The following EDAR variants were observed in gnomAD, a reference collection of about 807,000 sequenced individuals.
EDAR encodes the protein ectodysplasin A receptor.
A neutral mutation model predicts 51.3 loss-of-function variants in EDAR; 38 were observed. The observed-to-expected ratio is 0.74, with a 90% CI of 0.57 to 0.97. EDAR has a LOEUF of 0.97. Ranked by LOEUF, EDAR falls within the 50% of genes least tolerant of loss-of-function variation. The pLI, the probability that EDAR is intolerant of heterozygous loss-of-function variation, is 0.00. For synonymous variants in EDAR, 227 were observed against 242.1 expected (o/e 0.94, Z 0.58); for missense variants, 528 against 595.0 (o/e 0.89, Z 1.17).
intron 10 of EDAR, among the ~76,000 whole-genome samples, 181 bp from the exon 11 acceptor site, chr2:108,906,549 T>C (rs1443072315): frequency 1.3e-5 from 2 of 152,216 alleles, no homozygotes; most frequent in African/African-American, 2.4e-5. Flanking sequence ...CAGGTTTTCC[T>C]ATTCAAACAT....
intron 1 of EDAR, among the ~76,000 whole-genome samples, chr2:108,936,516 G>A (rs1305608235): frequency 6.6e-6 from 1 of 152,064 alleles, no homozygotes; most frequent in Non-Finnish European, 1.5e-5. Context: ...CTCCTTCCCC[G>A]GCCTCCCACG....
chr2:108,942,936 G>A (rs1697635810), intron 1 of EDAR, among the ~76,000 whole-genome samples: 1 of 152,218 alleles, frequency 6.6e-6, no homozygotes, highest in Non-Finnish European at 1.5e-5. Context: ...TCCTAATCCT[G>A]GGATTAGACC....
chr2:108,930,269 C>T (rs1385724181), intron 2 of EDAR, 27 bp from the exon 3 acceptor site: 6 of 1,613,898 alleles, frequency 3.7e-6, no homozygotes, highest in Non-Finnish European at 5.1e-6. Context: ...GTGTTGTGGC[C>T]TCCGTACCTC....
At chr2:108,911,909 C>T (rs2105403735) in intron 6 of EDAR, among the ~76,000 whole-genome samples, 2 of 152,334 alleles carry the variant, frequency 1.3e-5, no homozygotes, top group South Asian at 2.1e-4. Context: ...TGGGGAATAC[C>T]TGTAATAGCG....
At chr2:108,987,487 G>A (rs1331079297) in intron 1 of EDAR, among the ~76,000 whole-genome samples, 1 of 152,256 alleles carries the variant, frequency 6.6e-6, no homozygotes, top group Non-Finnish European at 1.5e-5. Context: ...TGACATGTCT[G>A]TGCTTCACAA....
chr2:108,900,595 A>G (rs1444969707), intron 11 of EDAR, among the ~76,000 whole-genome samples: 1 of 151,988 alleles, frequency 6.6e-6, no homozygotes, highest in African/African-American at 2.4e-5. Context: ...AACCAAACCA[A>G]AACAAAAAAA....
Position 108,896,740 on chromosome 2 carries a change from A to T in EDAR, c.*167T>A. 1 of 661,376 alleles carries T rather than the reference A, an allele frequency of 1.5e-6. No homozygotes were observed. Among genetic ancestry groups the T allele is most frequent in the Non-Finnish European group, 2.6e-6 (1 of 391,748 alleles). The allele number at this position is 661,376 out of a possible 1,614,324, so 41.0% of individuals were successfully genotyped here. On this transcript the variant is annotated 3_prime_UTR_variant, in exon 12 of 12. Coordinates refer to ENST00000258443, the MANE Select transcript of EDAR (RefSeq NM_022336.4). ...GGCTCTAGTCCTTTATCTTTGGTTA[A>T]ATTGGAAGACAGGCCTTATTTCGTC...
In EDAR at chr2:108,917,630, G is replaced by T. The variant is rs1262438461; in HGVS notation, c.443-4866C>A. On this transcript the variant is annotated intron_variant, in intron 5 of 11. Transcript: ENST00000258443. The stretch of plus-strand genomic sequence containing the variant: ...GCCTCTGCCCCCGGGCAAGACAGAA[G>T]GTATGCTAAGACTAGAGGGGGGTCA... 2.0e-5 allele frequency among the ~76,000 whole-genome samples: 3 copies of T among 152,146 alleles called. No individual in the cohort carries two copies. In the East Asian group the frequency reaches 5.8e-4, roughly 29 times the overall value.
intron 3 of EDAR, 24 bp from the exon 4 acceptor site, chr2:108,929,403 GAC>G: frequency 6.2e-7 from 1 of 1,613,104 alleles, no homozygotes; most frequent in Non-Finnish European, 8.5e-7. Flanking sequence ...GAGGACAGGG[GAC>G]ACAGGTGAGT....
At chr2:108,921,679 GA>G (rs1697144306) in intron 5 of EDAR, among the ~76,000 whole-genome samples, 1 of 152,220 alleles carries the variant, frequency 6.6e-6, no homozygotes. Flanking sequence ...TGAGTAAAGA[GA>G]TCTCTGGATT....
chr2:108,910,917 A>T (rs260630), intron 7 of EDAR, 30 bp downstream of exon 7: 3 of 1,613,960 alleles, frequency 1.9e-6, no homozygotes, highest in Non-Finnish European at 2.5e-6. Context: ...GAGTCCAGGA[A>T]GCAGGGCACC....
chr2:108,944,084 GT>G (rs1333003814), intron 1 of EDAR, among the ~76,000 whole-genome samples: 1 of 152,196 alleles, frequency 6.6e-6, no homozygotes, highest in Admixed American at 6.5e-5. Flanking sequence ...CAAACACTCT[GT>G]TCCTGTTTCT....
chr2:108,971,774 C>T (rs1305136184), intron 1 of EDAR, among the ~76,000 whole-genome samples: 1 of 152,170 alleles, frequency 6.6e-6, no homozygotes, highest in Non-Finnish European at 1.5e-5. Flanking sequence ...TTGATACCAC[C>T]TTCAAAAGGT....
chr2:108,915,327 G>C (rs1558805105), intron 5 of EDAR, among the ~76,000 whole-genome samples: 1 of 152,232 alleles, frequency 6.6e-6, no homozygotes. Flanking sequence ...TCTAAATGGA[G>C]CAGGGCCACA....
intron 1 of EDAR, among the ~76,000 whole-genome samples, chr2:108,982,274 C>A (rs994512514): frequency 3.3e-5 from 5 of 152,236 alleles, no homozygotes; most frequent in African/African-American, 1.2e-4. Context: ...CCCATCCAGC[C>A]CACACTGGGA....
At position 108,910,931 on chromosome 2, in the gene EDAR, G is replaced by C. The variant is rs377483763; in HGVS notation, c.655+16C>G. On this transcript the variant is annotated intron_variant, in intron 7 of 11. Coordinates refer to ENST00000258443, the MANE Select transcript of EDAR (RefSeq NM_022336.4). Reference sequence around the variant, plus strand: ...AGAGTCCAGGAAGCAGGGCACCGGCGCATGGGGGCCGTCACCTGGGGCAGA... The same window carrying C: ...AGAGTCCAGGAAGCAGGGCACCGGCCCATGGGGGCCGTCACCTGGGGCAGA... The C allele has an allele frequency of 1.2e-6, 2 of 1,614,018 alleles. No individual in the cohort carries two copies. Among genetic ancestry groups the C allele is most frequent in the Non-Finnish European group, 1.7e-6 (2 of 1,180,004 alleles).
intron 1 of EDAR, among the ~76,000 whole-genome samples, chr2:108,962,795 G>A (rs1181408556): frequency 4.7e-5 from 7 of 150,510 alleles, no homozygotes; most frequent in African/African-American, 9.8e-5. Flanking sequence ...AAAACCAACC[G>A]CAGTACCATT....
intron 1 of EDAR, among the ~76,000 whole-genome samples, chr2:108,966,633 T>C (rs976355887): frequency 1.3e-5 from 2 of 152,226 alleles, no homozygotes; most frequent in African/African-American, 4.8e-5. Context: ...GAAACCCTAC[T>C]GTCTTCAGGA....
At chr2:108,953,910 T>C (rs761642230) in intron 1 of EDAR, among the ~76,000 whole-genome samples, 7 of 152,218 alleles carry the variant, frequency 4.6e-5, no homozygotes, top group Non-Finnish European at 1.0e-4. Context: ...GGATATCCTT[T>C]GAAATAATGT....
Sources: gnomAD v4.1 joint callset for allele counts (sites outside exome capture counted in the v4.1 genomes callset) on GRCh38, gnomAD v4.1.1 for gene constraint, MANE v1.5 for transcripts, NCBI Gene and HGNC (gene_info 2026-07-23, HGNC 2026-07-21) for gene names.